SMURF1: variants seen among roughly 807,000 people sequenced by gnomAD.
SMURF1 encodes E3 ubiquitin-protein ligase SMURF1.
SMURF1 carries 44 observed loss-of-function variants against 98.0 expected under a neutral mutation model. The ratio of observed to expected loss-of-function variants is 0.45; its 90% CI spans 0.35 to 0.58. SMURF1 has a LOEUF of 0.58. Among genes scored for constraint, SMURF1 ranks in the 20% least tolerant of loss-of-function variants. The pLI, the probability that SMURF1 is intolerant of heterozygous loss-of-function variation, is 0.00. For missense variants in SMURF1, 687 were observed against 938.4 expected, an observed-to-expected ratio of 0.73 and a Z score of 3.50; for synonymous variants, 396 against 374.9, an observed-to-expected ratio of 1.06 and a Z score of -0.65.
intron 1 of SMURF1, among the ~76,000 whole-genome samples, chr7:99,071,256 C>T (rs1244775090): frequency 6.6e-6 from 1 of 152,028 alleles, no homozygotes; most frequent in Non-Finnish European, 1.5e-5. Flanking sequence ...GACGAGGTTT[C>T]GCCATGTTGG....
At position 99,138,676 on chromosome 7, in the gene SMURF1, A is replaced by T. The variant is rs555264972; in HGVS notation, c.55+5050T>A. On this transcript the variant is annotated intron_variant, in intron 1 of 17. Transcript: ENST00000361368. ...AAAAATGGAGATAGAAATAAAGCAT[A>T]TGAAAGATTTCATGTCTAAAGTCAG... Among the ~76,000 whole-genome samples the T allele has an allele frequency of 4.6e-5, 7 of 152,308 alleles. No individual in the cohort carries two copies. The South Asian group carries it at 1.4e-3, about 32-fold the overall frequency.
chr7:99,072,637 A>G (rs1796354182), intron 1 of SMURF1, among the ~76,000 whole-genome samples: 1 of 152,132 alleles, frequency 6.6e-6, no homozygotes, highest in Non-Finnish European at 1.5e-5. Flanking sequence ...GCAAAATTCT[A>G]TGTCAAAAAA....
At position 99,030,581 on chromosome 7, in the gene SMURF1, T is replaced by G; in HGVS notation, c.*3A>C. 6.2e-7 allele frequency: 1 copy of G among 1,613,952 alleles called. No homozygotes were observed. Among genetic ancestry groups the G allele is most frequent in the South Asian group, 1.1e-5 (1 of 91,060 alleles). On this transcript the variant is annotated 3_prime_UTR_variant, in exon 18 of 18. Transcript: ENST00000361368. ...GCTAGACTCTGTTGCCTTTGGTTGC[T>G]TTTCACTCCACAGCAAACCCGCAGG...
chr7:99,035,293 G>T lies in SMURF1; in HGVS notation c.2011+222C>A. ...GAGGAGGGGGAATCCAGGTGCCCTG[G>T]AGTGGCTCCACAGTCTTTGCTCAGC... On this transcript the variant is annotated intron_variant, in intron 16 of 17. Transcript: ENST00000361368. 6.8e-6 allele frequency: 4 copies of T among 589,712 alleles called. No homozygotes were observed. In the South Asian group the frequency reaches 8.1e-5, roughly 12 times the overall value. 36.5% of individuals were successfully genotyped at this position (589,712 alleles called of 1,614,324 possible).
At chr7:99,137,703 A>C (rs1290276667) in intron 1 of SMURF1, among the ~76,000 whole-genome samples, 8 of 152,268 alleles carry the variant, frequency 5.3e-5, no homozygotes, top group South Asian at 2.1e-4. Flanking sequence ...GCTGCAGTGG[A>C]GGTGAACACA....
chr7:99,056,468 CCT>C (rs1346346619), intron 5 of SMURF1, among the ~76,000 whole-genome samples: 2 of 152,124 alleles, frequency 1.3e-5, no homozygotes, highest in African/African-American at 4.8e-5. Flanking sequence ...AATGCAGTCC[CCT>C]GACTGTACAA....
At chr7:99,082,136 T>A (rs1378224815) in intron 1 of SMURF1, among the ~76,000 whole-genome samples, 4 of 152,240 alleles carry the variant, frequency 2.6e-5, no homozygotes, top group Non-Finnish European at 2.9e-5. Flanking sequence ...CTGAGTTATT[T>A]GTTTTTCATT....
At chr7:99,075,975 C>G (rs1428547214) in intron 1 of SMURF1, among the ~76,000 whole-genome samples, 1 of 152,224 alleles carries the variant, frequency 6.6e-6, no homozygotes, top group Non-Finnish European at 1.5e-5. Context: ...AAACTGAACA[C>G]ACGTATATAA....
intron 1 of SMURF1, among the ~76,000 whole-genome samples, chr7:99,118,085 C>A (rs1219962826): frequency 6.6e-6 from 1 of 152,140 alleles, no homozygotes; most frequent in Non-Finnish European, 1.5e-5. Context: ...TAAGATACTA[C>A]TTCCTACCCT....
At chr7:99,057,056 C>A in intron 5 of SMURF1, 149 bp downstream of exon 5, 2 of 514,988 alleles carry the variant, frequency 3.9e-6, no homozygotes, top group East Asian at 3.6e-5. Context: ...CAAGACAAAA[C>A]TTCCTAGTAC....
chr7:99,054,727 C>CTAT lies in SMURF1; in HGVS notation c.479+60_479+62dup. On this transcript the variant is annotated intron_variant, in intron 6 of 17. Transcript: ENST00000361368. ...GACTTAAGGAGGGAAGGGCGCTTTC[C>CTAT]TATAGGCCGAGAGGTTAAGGCAGCA... The CTAT allele has an allele frequency of 3.4e-6, 5 of 1,457,740 alleles. No homozygotes were observed. The South Asian group carries it at 4.6e-5, about 13-fold the overall frequency. The allele number at this position is 1,457,740 out of a possible 1,614,324, so 90.3% of individuals were successfully genotyped here.
intron 11 of SMURF1, among the ~76,000 whole-genome samples, chr7:99,043,686 A>G (rs947115445): frequency 1.3e-5 from 2 of 152,220 alleles, no homozygotes; most frequent in Non-Finnish European, 2.9e-5. Flanking sequence ...TACAGAGACA[A>G]GTGTTCCGCT....
At chr7:99,072,503 C>T (rs1188366364) in intron 1 of SMURF1, among the ~76,000 whole-genome samples, 1 of 152,144 alleles carries the variant, frequency 6.6e-6, no homozygotes, top group South Asian at 2.1e-4. Context: ...ATTAGCCAGG[C>T]GTGGTGGCGC....
intron 10 of SMURF1, among the ~76,000 whole-genome samples, chr7:99,047,469 C>A (rs896391238): frequency 6.6e-6 from 1 of 152,202 alleles, no homozygotes. Flanking sequence ...TCCCTCTAGA[C>A]AGGCTGTGGT....
At chr7:99,130,375 C>T (rs574474929) in intron 1 of SMURF1, among the ~76,000 whole-genome samples, 64 of 152,314 alleles carry the variant, frequency 4.2e-4, no homozygotes, top group Non-Finnish European at 8.1e-4. Context: ...ATCACTTGAA[C>T]CCAGAAGGCA....
intron 3 of SMURF1, among the ~76,000 whole-genome samples, chr7:99,059,393 ATC>A (rs1425877862): frequency 6.4e-4 from 89 of 138,274 alleles, no homozygotes; most frequent in African/African-American, 2.1e-3. Context: ...GCAAGACTCC[ATC>A]TCAAAAAAAA....
chr7:99,082,913 T>G (rs1009158100), intron 1 of SMURF1, among the ~76,000 whole-genome samples: 1 of 152,222 alleles, frequency 6.6e-6, no homozygotes, highest in Non-Finnish European at 1.5e-5. Flanking sequence ...TTCCACGATA[T>G]TTTAGAGTTT....
intron 1 of SMURF1, among the ~76,000 whole-genome samples, chr7:99,065,068 A>G (rs1343488738): frequency 6.6e-6 from 1 of 151,616 alleles, no homozygotes; most frequent in Admixed American, 6.6e-5. Flanking sequence ...CCCTTTATTA[A>G]GTTTTTTGAT....
At chr7:99,135,176 A>G (rs1797962136) in intron 1 of SMURF1, among the ~76,000 whole-genome samples, 1 of 152,202 alleles carries the variant, frequency 6.6e-6, no homozygotes, top group African/African-American at 2.4e-5. Flanking sequence ...CAGTTAGTGT[A>G]CTTACTAGTT....
Sources: allele counts gnomAD v4.1 joint callset (sites outside exome capture counted in the v4.1 genomes callset), GRCh38; gene constraint gnomAD v4.1.1; transcripts MANE v1.5; gene names NCBI Gene and HGNC (gene_info 2026-07-23, HGNC 2026-07-21).